The following UNC13C variants were observed in gnomAD, a reference collection of about 807,000 sequenced individuals.
The protein encoded by UNC13C is unc-13 homolog C.
In UNC13C, 174 loss-of-function variants were observed where a neutral mutation model predicts 245.4. The observed-to-expected ratio is 0.71, with a 90% CI of 0.63 to 0.80. The LOEUF is 0.80. Among genes scored for constraint, UNC13C ranks in the 30% least tolerant of loss-of-function variants. UNC13C has a pLI of 0.00. For missense variants in UNC13C, 2,829 were observed against 2,602.9 expected (o/e 1.09, Z -1.89); for synonymous variants, 992 against 895.1 (o/e 1.11, Z -1.93).
At chr15:53,955,266 T>TACACAC in the UNC13C span, among the ~76,000 whole-genome samples, 2,799 of 149,646 alleles carry the variant, frequency 0.019, 71 homozygotes, top group East Asian at 0.13. Context: ...GACTTTTTCT[T>TACACAC]ACACACACAC....
In UNC13C at chr15:54,627,992, T is replaced by A. The variant is rs1348073963; in HGVS notation, c.*879T>A. On this transcript the variant is annotated 3_prime_UTR_variant, in exon 33 of 33. Transcript: ENST00000260323. ...TATAATCAGTTCAATGCTTTATTTT[T>A]AAAAATATTCAATGATTAGTATTGA... The A allele has an allele frequency of 6.6e-6, 1 of 152,462 alleles. No homozygotes were observed. The highest frequency in any genetic ancestry group is 6.6e-5 in the Admixed American group (1 of 15,248). The allele number at this position is 152,462 out of a possible 1,614,324, so 9.4% of individuals were successfully genotyped here.
intron 30 of UNC13C, among the ~76,000 whole-genome samples, chr15:54,610,845 T>G (rs1198465808): frequency 1.3e-5 from 2 of 152,214 alleles, no homozygotes. Context: ...GCATCACTAT[T>G]AGGTTTCATC....
At chr15:54,315,858 A>ACAGTT (rs2037994854) in intron 13 of UNC13C, among the ~76,000 whole-genome samples, 1 of 151,910 alleles carries the variant, frequency 6.6e-6, no homozygotes, top group Admixed American at 6.6e-5. Context: ...TCTCCTTATG[A>ACAGTT]ATTCTAAGTC....
intron 4 of UNC13C, among the ~76,000 whole-genome samples, chr15:54,172,718 A>ATT (rs2033455619): frequency 4.6e-5 from 1 of 21,774 alleles, no homozygotes; most frequent in Non-Finnish European, 8.9e-5. Context: ...ATATATATAT[A>ATT]TATATATATA....
chr15:54,228,378 C>CA (rs1268649681), intron 4 of UNC13C, among the ~76,000 whole-genome samples: 1 of 152,122 alleles, frequency 6.6e-6, no homozygotes, highest in African/African-American at 2.4e-5. Flanking sequence ...AGCTGCAAGA[C>CA]AAAATCTCCT....
chr15:53,908,527 C>T, the UNC13C span, among the ~76,000 whole-genome samples: 1 of 144,622 alleles, frequency 6.9e-6, no homozygotes, highest in African/African-American at 2.5e-5. Flanking sequence ...TTACTTAAGC[C>T]CAGAAGTTCT....
At chr15:54,394,658 GAA>G in intron 18 of UNC13C, among the ~76,000 whole-genome samples, 1 of 151,814 alleles carries the variant, frequency 6.6e-6, no homozygotes, top group Non-Finnish European at 1.5e-5. Context: ...GATACTGGAT[GAA>G]AACAAACATC....
intron 25 of UNC13C, among the ~76,000 whole-genome samples, chr15:54,529,476 C>A (rs1386783903): frequency 6.6e-6 from 1 of 152,140 alleles, no homozygotes; most frequent in Non-Finnish European, 1.5e-5. Flanking sequence ...AATACAAGTT[C>A]TCATATTTGC....
chr15:54,549,773 G>C (rs2141181942), intron 28 of UNC13C, 82 bp downstream of exon 28: 1 of 857,634 alleles, frequency 1.2e-6, no homozygotes, highest in African/African-American at 1.7e-5. Flanking sequence ...CCTAGTAATA[G>C]TATCTAGCAT....
intron 19 of UNC13C, among the ~76,000 whole-genome samples, chr15:54,453,507 A>G (rs1891297212): frequency 6.6e-6 from 1 of 152,202 alleles, no homozygotes; most frequent in South Asian, 2.1e-4. Context: ...CTTTTTAACT[A>G]CACCCTATAT....
intron 2 of UNC13C, among the ~76,000 whole-genome samples, chr15:54,088,877 G>A (rs563874655): frequency 2.0e-4 from 30 of 152,224 alleles, no homozygotes; most frequent in Non-Finnish European, 4.0e-4. Flanking sequence ...TGAGGAGGAG[G>A]AAAACCTAAT....
intron 2 of UNC13C, among the ~76,000 whole-genome samples, chr15:54,120,767 A>G (rs2030611530): frequency 1.3e-5 from 2 of 151,998 alleles, no homozygotes; most frequent in Admixed American, 6.6e-5. Flanking sequence ...GAAAAAGTTG[A>G]TTCCAACCCT....
chr15:54,302,108 A>G (rs1394254866), intron 13 of UNC13C, among the ~76,000 whole-genome samples: 1 of 152,124 alleles, frequency 6.6e-6, no homozygotes, highest in African/African-American at 2.4e-5. Context: ...GTGTAAGTAC[A>G]TATCCTTTGC....
At chr15:53,969,340 A>C in the UNC13C span, among the ~76,000 whole-genome samples, 1 of 152,184 alleles carries the variant, frequency 6.6e-6, no homozygotes, top group East Asian at 1.9e-4. Flanking sequence ...CCTCTAACTC[A>C]AGCAGGAATT....
At chr15:54,444,667 C>T (rs945042297) in intron 19 of UNC13C, among the ~76,000 whole-genome samples, 11 of 151,804 alleles carry the variant, frequency 7.2e-5, no homozygotes, top group Admixed American at 3.3e-4. Context: ...ATAACATTTA[C>T]GTCCTTTCTC....
chr15:54,545,663 T>C (rs182587470), intron 26 of UNC13C, among the ~76,000 whole-genome samples: 199 of 152,300 alleles, frequency 1.3e-3, no homozygotes, highest in Non-Finnish European at 2.2e-3. Context: ...GAACAGACAC[T>C]TCTCAAAAGA....
At chr15:54,498,491 A>G (rs1253962638) in intron 20 of UNC13C, among the ~76,000 whole-genome samples, 1 of 152,146 alleles carries the variant, frequency 6.6e-6, no homozygotes, top group Non-Finnish European at 1.5e-5. Context: ...TGCTAATAAA[A>G]TATGGCATAT....
At chr15:54,195,990 C>A (rs1158108201) in intron 4 of UNC13C, among the ~76,000 whole-genome samples, 1 of 152,062 alleles carries the variant, frequency 6.6e-6, no homozygotes, top group Non-Finnish European at 1.5e-5. Context: ...TCTCATAGAA[C>A]CAAGTATCTG....
intron 7 of UNC13C, among the ~76,000 whole-genome samples, chr15:54,241,946 T>G (rs2035864399): frequency 6.6e-6 from 1 of 152,248 alleles, no homozygotes; most frequent in Non-Finnish European, 1.5e-5. Flanking sequence ...TTATTCTTCA[T>G]AAGCACGGAC....
Sources: allele counts gnomAD v4.1 joint callset (sites outside exome capture counted in the v4.1 genomes callset), GRCh38; gene constraint gnomAD v4.1.1; transcripts MANE v1.5; gene names NCBI Gene and HGNC (gene_info 2026-07-23, HGNC 2026-07-21).